PPP1R16B: variants seen among roughly 807,000 people sequenced by gnomAD.
PPP1R16B encodes the protein protein phosphatase 1 regulatory inhibitor subunit 16B.
In PPP1R16B, 14 loss-of-function variants were observed where a neutral mutation model predicts 61.7. That is an observed-to-expected ratio of 0.23 (90% CI 0.15 to 0.35). The LOEUF (loss-of-function observed/expected upper bound fraction) is 0.35. Among genes scored for constraint, PPP1R16B ranks in the 10% least tolerant of loss-of-function variants. PPP1R16B has a pLI of 1.00. For missense variants in PPP1R16B, 547 were observed against 752.5 expected (o/e 0.73, Z 3.19); for synonymous variants, 266 against 305.3 (o/e 0.87, Z 1.34).
At chr20:38,860,929 G>T (rs1385688179) in intron 2 of PPP1R16B, among the ~76,000 whole-genome samples, 5 of 152,138 alleles carry the variant, frequency 3.3e-5, no homozygotes, top group Non-Finnish European at 7.4e-5. Context: ...GCCCCCTGCA[G>T]GTCCCAATTT....
chr20:38,860,882 GTC>G (rs1459442809), intron 2 of PPP1R16B, among the ~76,000 whole-genome samples: 1 of 152,118 alleles, frequency 6.6e-6, no homozygotes, highest in Admixed American at 6.5e-5. Context: ...GGCTTCCAGG[GTC>G]TTCCATGCTA....
chr20:38,914,814 G>T (rs555183592), intron 10 of PPP1R16B, among the ~76,000 whole-genome samples: 1 of 152,084 alleles, frequency 6.6e-6, no homozygotes, highest in Non-Finnish European at 1.5e-5. Context: ...CCACAGGCAC[G>T]CACCACCATG....
chr20:38,860,353 C>T (rs1209468650), intron 2 of PPP1R16B, among the ~76,000 whole-genome samples: 2 of 152,112 alleles, frequency 1.3e-5, no homozygotes, highest in Non-Finnish European at 2.9e-5. Context: ...CCTCCCGCCT[C>T]AGCCTCCCAA....
chr20:38,912,904 G>T (rs1421632618), intron 10 of PPP1R16B, among the ~76,000 whole-genome samples: 2 of 152,054 alleles, frequency 1.3e-5, no homozygotes, highest in Admixed American at 6.6e-5. Flanking sequence ...TCACTCTGTT[G>T]CCCAGGCTAG....
intron 2 of PPP1R16B, among the ~76,000 whole-genome samples, chr20:38,870,307 C>T (rs1232858655): frequency 6.6e-6 from 1 of 152,178 alleles, no homozygotes; most frequent in Non-Finnish European, 1.5e-5. Flanking sequence ...GAAAAGGTCC[C>T]TGTCCTTGTA....
chr20:38,848,935 C>A (rs1242096896), intron 2 of PPP1R16B, among the ~76,000 whole-genome samples: 2 of 152,134 alleles, frequency 1.3e-5, no homozygotes, highest in African/African-American at 4.8e-5. Context: ...ATGTAACACA[C>A]CTGCACTTGT....
chr20:38,820,725 C>G (rs919271156), intron 1 of PPP1R16B, among the ~76,000 whole-genome samples: 18 of 151,738 alleles, frequency 1.2e-4, no homozygotes, highest in Admixed American at 2.6e-4. Context: ...CAACAGTTGG[C>G]ATTTTCTGTC....
At chr20:38,825,522 C>T (rs1264553461) in intron 1 of PPP1R16B, among the ~76,000 whole-genome samples, 2 of 152,046 alleles carry the variant, frequency 1.3e-5, no homozygotes, top group Admixed American at 1.3e-4. Flanking sequence ...TAGGGACTGC[C>T]CTCCTCTGCT....
intron 2 of PPP1R16B, among the ~76,000 whole-genome samples, chr20:38,884,569 C>T (rs1434447760): frequency 6.6e-6 from 1 of 152,178 alleles, no homozygotes; most frequent in South Asian, 2.1e-4. Flanking sequence ...AGGCTGCCTG[C>T]CAGATTTGGC....
At chr20:38,909,978 T>C (rs1225694344) in intron 10 of PPP1R16B, among the ~76,000 whole-genome samples, 1 of 152,164 alleles carries the variant, frequency 6.6e-6, no homozygotes, top group Non-Finnish European at 1.5e-5. Context: ...AAATCTTTTT[T>C]TATTTTTTTA....
chr20:38,860,457 C>A (rs574627764), intron 2 of PPP1R16B, among the ~76,000 whole-genome samples: 13 of 152,342 alleles, frequency 8.5e-5, no homozygotes, highest in African/African-American at 3.1e-4. Context: ...TTCAGATTAG[C>A]CATATTTCAA....
At chr20:38,825,137 C>G (rs76541127) in intron 1 of PPP1R16B, among the ~76,000 whole-genome samples, 7,289 of 152,324 alleles carry the variant, frequency 0.048, 184 homozygotes, top group Non-Finnish European at 0.06. Flanking sequence ...TCCCCTTCCT[C>G]TTATGCTGGT....
At chr20:38,826,809 G>T (rs1236667592) in intron 1 of PPP1R16B, among the ~76,000 whole-genome samples, 1 of 152,228 alleles carries the variant, frequency 6.6e-6, no homozygotes, top group African/African-American at 2.4e-5. Context: ...TAAAGGCCAT[G>T]GAGTTCCTGG....
rs1019763642 is a variant in PPP1R16B at position 38,916,061 on chromosome 20, G to C, written c.1195-2096G>C. Reference sequence around the variant, plus strand: ...ATCAGTCTGCCTGCATAGTTCAGAAGGAGCCATTAAAAAAAAAAAAAAGGT... The same window carrying C: ...ATCAGTCTGCCTGCATAGTTCAGAACGAGCCATTAAAAAAAAAAAAAAGGT... On this transcript the variant is annotated intron_variant, in intron 10 of 10. Coordinates refer to ENST00000299824, the MANE Select transcript of PPP1R16B (RefSeq NM_015568.4). 4.8e-5 allele frequency among the ~76,000 whole-genome samples: 7 copies of C among 147,348 alleles called. No individual in the cohort carries two copies. The Admixed American group carries it at 4.8e-4, about 10-fold the overall frequency.
chr20:38,879,762 T>A (rs1008754040), intron 2 of PPP1R16B, among the ~76,000 whole-genome samples: 2 of 152,212 alleles, frequency 1.3e-5, no homozygotes, highest in Admixed American at 6.5e-5. Flanking sequence ...TGTGAATCTC[T>A]GTCAACCCCT....
chr20:38,887,107 T>C (rs1246104647), intron 2 of PPP1R16B, among the ~76,000 whole-genome samples: 3 of 151,808 alleles, frequency 2.0e-5, no homozygotes, highest in South Asian at 2.1e-4. Flanking sequence ...TGATGGTGGT[T>C]GGATGGATGA....
chr20:38,836,087 G>A lies in PPP1R16B; in HGVS notation c.162G>A (p.Lys54=). ...LQHRKRKHER[K]RSTGGRRKKV... Reference sequence around the variant, plus strand: ...ACCGCAAGCGAAAGCATGAGCGGAAGCGCAGCACGGGCGGCCGCCGCAAGA... The same window carrying A: ...ACCGCAAGCGAAAGCATGAGCGGAAACGCAGCACGGGCGGCCGCCGCAAGA... Residue 54 remains lysine, a synonymous_variant, in exon 2 of 11, where the codon AAG becomes AAA. Transcript: ENST00000299824. The A allele has an allele frequency of 6.2e-7, 1 of 1,611,910 alleles. No homozygotes were observed. The highest frequency in any genetic ancestry group is 1.1e-5 in the South Asian group (1 of 90,984).
chr20:38,852,747 CTTTT>C (rs1185726609), intron 2 of PPP1R16B, among the ~76,000 whole-genome samples: 1 of 31,496 alleles, frequency 3.2e-5, no homozygotes, highest in African/African-American at 1.5e-4. Context: ...CCACTGTTTC[CTTTT>C]TTTTTTTTTT....
intron 3 of PPP1R16B, among the ~76,000 whole-genome samples, chr20:38,890,013 TG>T (rs2085280922): frequency 6.6e-6 from 1 of 152,232 alleles, no homozygotes; most frequent in African/African-American, 2.4e-5. Flanking sequence ...CCATCCACCC[TG>T]GCGACAGAGG....
Sources: allele counts gnomAD v4.1 joint callset (sites outside exome capture counted in the v4.1 genomes callset), GRCh38; gene constraint gnomAD v4.1.1; transcripts MANE v1.5; gene names NCBI Gene and HGNC (gene_info 2026-07-23, HGNC 2026-07-21).